Variants in AP1G1 observed in about 807,000 individuals in gnomAD.
AP1G1 encodes AP-1 complex subunit gamma-1.
AP1G1 carries 7 observed loss-of-function variants against 108.3 expected under a neutral mutation model. The ratio of observed to expected loss-of-function variants is 0.06; its 90% CI spans 0.04 to 0.12. The LOEUF is 0.12. Among genes scored for constraint, AP1G1 ranks in the 10% least tolerant of loss-of-function variants. The probability of loss-of-function intolerance (pLI) is 1.00; values close to 1 mark genes in which losing one functional copy is unlikely to be tolerated. For missense variants in AP1G1, 756 were observed against 1,010.7 expected, an observed-to-expected ratio of 0.75 and a Z score of 3.42; for synonymous variants, 379 against 353.5, an observed-to-expected ratio of 1.07 and a Z score of -0.81.
At chr16:71,788,158 G>T (rs987887871) in intron 2 of AP1G1, among the ~76,000 whole-genome samples, 26 of 152,116 alleles carry the variant, frequency 1.7e-4, no homozygotes, top group African/African-American at 6.3e-4. Context: ...TAACTTGGGG[G>T]CAGGAGATCT....
At chr16:71,736,551 A>C (rs1321648915) in intron 21 of AP1G1, among the ~76,000 whole-genome samples, 1 of 105,904 alleles carries the variant, frequency 9.4e-6, no homozygotes. Flanking sequence ...CGGCTAATTT[A>C]TTATTTATTT....
At chr16:71,766,419 G>A (rs771689173) in intron 6 of AP1G1, 1 of 469,170 alleles carries the variant, frequency 2.1e-6, no homozygotes, top group Non-Finnish European at 4.4e-6. Flanking sequence ...AGCCGAAGAT[G>A]TTTTAAATAT....
In AP1G1 at chr16:71,771,291, A is replaced by G; in HGVS notation, c.469-39T>C. 3.1e-6 allele frequency: 4 copies of G among 1,277,568 alleles called. No homozygotes were observed. The East Asian group carries it at 7.5e-5, about 24-fold the overall frequency. The allele number at this position is 1,277,568 out of a possible 1,614,324, so 79.1% of individuals were successfully genotyped here. A position where few individuals can be genotyped will look rare whatever the true frequency, so the allele number is the denominator to read the frequency against. On this transcript the variant is annotated intron_variant, in intron 4 of 22. Transcript: ENST00000299980. ...AATAAAAGAACAAAAGGTTTATTTC[A>G]ATTATGCCAGGGCAACCAATCTTAT... is the stretch of plus-strand genomic sequence containing the variant.
At chr16:71,774,176 G>C (rs910535673) in intron 3 of AP1G1, among the ~76,000 whole-genome samples, 1 of 148,240 alleles carries the variant, frequency 6.7e-6, no homozygotes, top group Non-Finnish European at 1.5e-5. Flanking sequence ...TCAGGAGTTC[G>C]AGACCAGCCT....
intron 12 of AP1G1, 47 bp downstream of exon 12, chr16:71,755,972 A>G (rs753525222): frequency 6.3e-7 from 1 of 1,579,646 alleles, no homozygotes; most frequent in African/African-American, 1.4e-5. Context: ...GACACTTCCA[A>G]AAGTTCCAAG....
intron 2 of AP1G1, among the ~76,000 whole-genome samples, chr16:71,788,675 A>G (rs2032294720): frequency 6.6e-6 from 1 of 151,918 alleles, no homozygotes; most frequent in Non-Finnish European, 1.5e-5. Flanking sequence ...TTTAAAAAAA[A>G]AAGAAATAGG....
rs563432621 is a variant in AP1G1 at position 71,731,490 on chromosome 16, A to G, written c.*1568T>C. ...CATAGTAGTCATTATACTGTATTCA[A>G]TACAGTAACAATTGCAAACATTGTA... is the stretch of plus-strand genomic sequence containing the variant. On this transcript the variant is annotated 3_prime_UTR_variant, in exon 23 of 23. Transcript: ENST00000299980. 6.5e-6 allele frequency: 1 copy of G among 152,774 alleles called. No individual in the cohort carries two copies. The highest frequency in any genetic ancestry group is 2.1e-4 in the South Asian group (1 of 4,832). 9.5% of individuals were successfully genotyped at this position (152,774 alleles called of 1,614,324 possible).
At chr16:71,793,725 C>T (rs1035653107) in intron 1 of AP1G1, among the ~76,000 whole-genome samples, 7 of 152,136 alleles carry the variant, frequency 4.6e-5, no homozygotes, top group Non-Finnish European at 1.0e-4. Flanking sequence ...CACTCTGCCA[C>T]CCAGGCTGGA....
chr16:71,748,337 T>G lies in AP1G1; in HGVS notation c.1539A>C (p.Leu513=). The G allele has an allele frequency of 6.2e-7, 1 of 1,613,602 alleles. No individual in the cohort carries two copies. Among genetic ancestry groups the G allele is most frequent in the Non-Finnish European group, 8.5e-7 (1 of 1,179,756 alleles). ...DEVLDILESV[L]ISNMSTSVTR... is the part of the protein sequence containing the mutation. ...TCACAGAGGTGGACATATTAGAGATTAGGACACTTTCTAAAATATCCAACA... is the reference window on the plus strand; with the variant it reads ...TCACAGAGGTGGACATATTAGAGATGAGGACACTTTCTAAAATATCCAACA... The change falls in exon 16 of 23, where the codon CTA becomes CTC. Residue 513 remains leucine (L), a synonymous_variant. Coordinates refer to ENST00000299980, the MANE Select transcript of AP1G1 (RefSeq NM_001128.6).
intron 12 of AP1G1, among the ~76,000 whole-genome samples, chr16:71,755,231 G>A (rs935583421): frequency 1.3e-5 from 2 of 152,018 alleles, no homozygotes; most frequent in African/African-American, 4.8e-5. Flanking sequence ...TTCGAGACCA[G>A]CCTGGACAAC....
At chr16:71,793,692 GCTTT>G (rs918683325) in intron 1 of AP1G1, among the ~76,000 whole-genome samples, 1 of 151,994 alleles carries the variant, frequency 6.6e-6, no homozygotes, top group Non-Finnish European at 1.5e-5. Flanking sequence ...GTTGTTTTTT[GCTTT>G]CTTTTTGAGA....
chr16:71,779,800 T>C (rs547411069), intron 2 of AP1G1, among the ~76,000 whole-genome samples: 6 of 152,132 alleles, frequency 3.9e-5, no homozygotes, highest in East Asian at 1.9e-4. Context: ...TGCACCTATT[T>C]TGTTAGCTTT....
At chr16:71,789,174 A>G (rs2032311923) in intron 2 of AP1G1, 105 bp downstream of exon 2, 1 of 1,036,344 alleles carries the variant, frequency 9.6e-7, no homozygotes, top group Admixed American at 2.0e-5. Flanking sequence ...CAATGATCAG[A>G]CTACAAGGCT....
At chr16:71,776,154 T>C (rs1299117382) in intron 2 of AP1G1, among the ~76,000 whole-genome samples, 2 of 152,216 alleles carry the variant, frequency 1.3e-5, no homozygotes, top group East Asian at 1.9e-4. Flanking sequence ...TACTTTCCAT[T>C]ATGAATTTAT....
At chr16:71,795,643 A>G (rs1367254545) in intron 1 of AP1G1, among the ~76,000 whole-genome samples, 2 of 152,246 alleles carry the variant, frequency 1.3e-5, no homozygotes, top group African/African-American at 4.8e-5. Flanking sequence ...TACAACCTGC[A>G]AAATACTATG....
intron 1 of AP1G1, among the ~76,000 whole-genome samples, chr16:71,793,808 C>T (rs1374720507): frequency 6.6e-6 from 1 of 152,202 alleles, no homozygotes; most frequent in Non-Finnish European, 1.5e-5. Context: ...CTCCTTGGCT[C>T]AAGCGATCCT....
chr16:71,760,838 C>T lies in AP1G1; in HGVS notation c.974+674G>A, dbSNP rs564470755. Among the ~76,000 whole-genome samples the T allele has an allele frequency of 5.9e-5, 9 of 152,264 alleles. No homozygotes were observed. In the East Asian group the frequency reaches 7.7e-4, roughly 13 times the overall value. On this transcript the variant is annotated intron_variant, in intron 10 of 22. Transcript: ENST00000299980. ...TTGGCATTACAGGGGTGAACCACTA[C>T]GCCTAGCTTCCACATCTTTTCATGT...
In AP1G1 at chr16:71,803,794, G is replaced by A. The variant is rs139948119; in HGVS notation, c.-4+4969C>T. Among the ~76,000 whole-genome samples, 665 of 151,760 alleles carry A rather than the reference G, an allele frequency of 4.4e-3. 11 individuals carry two copies. The highest frequency in any genetic ancestry group is 0.015 in the African/African-American group (637 of 41,402). On this transcript the variant is annotated intron_variant, in intron 1 of 22. Coordinates refer to ENST00000299980, the MANE Select transcript of AP1G1 (RefSeq NM_001128.6). ...ACAAAAATTAGCTAGGCATGGTGGC[G>A]CACACCTGTAGTCCCAGCTACTCGG...
intron 2 of AP1G1, among the ~76,000 whole-genome samples, chr16:71,784,627 C>T (rs1020576324): frequency 3.3e-5 from 5 of 151,962 alleles, no homozygotes; most frequent in East Asian, 1.9e-4. Flanking sequence ...GGTATGATCT[C>T]GGCTCACTGC....
Sources: allele counts gnomAD v4.1 joint callset (sites outside exome capture counted in the v4.1 genomes callset), GRCh38; gene constraint gnomAD v4.1.1; transcripts MANE v1.5; gene names NCBI Gene and HGNC (gene_info 2026-07-23, HGNC 2026-07-21).